Variants in ZC3H15 observed in about 807,000 individuals in gnomAD.
The protein encoded by ZC3H15 is zinc finger CCCH-type containing 15.
In ZC3H15, 15 loss-of-function variants were observed where a neutral mutation model predicts 51.2. The ratio of observed to expected loss-of-function variants is 0.29; its 90% CI spans 0.20 to 0.45. ZC3H15 has a LOEUF of 0.45. Among genes scored for constraint, ZC3H15 ranks in the 20% least tolerant of loss-of-function variants. The pLI, the probability that ZC3H15 is intolerant of heterozygous loss-of-function variation, is 1.00. For missense variants in ZC3H15, 381 were observed against 494.7 expected, an observed-to-expected ratio of 0.77 and a Z score of 2.18; for synonymous variants, 144 against 162.8, an observed-to-expected ratio of 0.88 and a Z score of 0.88.
Position 186,505,909 on chromosome 2 carries a change from T to A in ZC3H15, c.966+68T>A, listed in dbSNP as rs111558935. The A allele has an allele frequency of 2.2e-3, 3,367 of 1,512,274 alleles. 68 individuals carry two copies. In the African/African-American group the frequency reaches 0.042, roughly 19 times the overall value. 93.7% of individuals were successfully genotyped at this position (1,512,274 alleles called of 1,614,324 possible). A position where few individuals can be genotyped will look rare whatever the true frequency, so the allele number is the denominator to read the frequency against. ...AGAAACAATAGAAAATACCACAACA[T>A]GGTTAAGAGCCACCAACATCAGAGC... On this transcript the variant is annotated intron_variant, in intron 8 of 9. Coordinates refer to ENST00000337859, the MANE Select transcript of ZC3H15 (RefSeq NM_018471.3).
intron 1 of ZC3H15, chr2:186,487,360 G>C (rs1685115777): frequency 6.6e-6 from 1 of 152,158 alleles, no homozygotes; most frequent in Non-Finnish European, 1.5e-5. Flanking sequence ...ACCCCAACGA[G>C]GTATTTCTTC....
intron 9 of ZC3H15, 68 bp from the exon 10 acceptor site, chr2:186,508,475 T>A: frequency 7.2e-7 from 1 of 1,384,160 alleles, no homozygotes; most frequent in East Asian, 2.3e-5. Context: ...CAGTCTATGT[T>A]GTCTATTGCT....
chr2:186,500,142 A>G, intron 2 of ZC3H15, 40 bp from the exon 3 acceptor site: 1 of 1,553,198 alleles, frequency 6.4e-7, no homozygotes. Flanking sequence ...ACAATTTTGT[A>G]AACAATCAAA....
intron 3 of ZC3H15, among the ~76,000 whole-genome samples, chr2:186,500,970 G>A (rs1559011023): frequency 6.6e-6 from 1 of 152,124 alleles, no homozygotes; most frequent in East Asian, 1.9e-4. Context: ...ACCATGCCTG[G>A]CCTCCTTTTT....
Position 186,491,956 on chromosome 2 carries a change from T to C in ZC3H15, c.76-3277T>C, listed in dbSNP as rs111741317. Among the ~76,000 whole-genome samples, 1,053 of 152,270 alleles carry C rather than the reference T, an allele frequency of 6.9e-3. 8 individuals carry two copies. The highest frequency in any genetic ancestry group is 0.012 in the Non-Finnish European group (794 of 68,018). On this transcript the variant is annotated intron_variant, in intron 1 of 9. Coordinates refer to ENST00000337859, the MANE Select transcript of ZC3H15 (RefSeq NM_018471.3). The stretch of plus-strand genomic sequence containing the variant: ...CAGTGTAATGAAACCTGATTTTTTT[T>C]TTCTTCTTCTGGGATCGGGAGTTTA...
intron 1 of ZC3H15, among the ~76,000 whole-genome samples, chr2:186,492,140 A>G (rs1685209233): frequency 6.6e-6 from 1 of 152,152 alleles, no homozygotes; most frequent in Admixed American, 6.5e-5. Flanking sequence ...CAGATGGAGC[A>G]TGGGTTGAAC....
chr2:186,487,917 T>C (rs1333635299), intron 1 of ZC3H15, among the ~76,000 whole-genome samples: 1 of 152,208 alleles, frequency 6.6e-6, no homozygotes, highest in Non-Finnish European at 1.5e-5. Flanking sequence ...TTTTAAGGAA[T>C]TATGTGTGAA....
In ZC3H15 at chr2:186,487,936, A is replaced by G. The variant is rs138012894; in HGVS notation, c.75+1479A>G. Among the ~76,000 whole-genome samples, 66 of 152,304 alleles carry G rather than the reference A, an allele frequency of 4.3e-4. No homozygotes were observed. In the East Asian group the frequency reaches 0.012, roughly 28 times the overall value. ...AAGGAATTATGTGTGAAAGTTGTTT[A>G]TAGTATCCATCAACTTTTAAAATGA... On this transcript the variant is annotated intron_variant, in intron 1 of 9. Transcript: ENST00000337859.
chr2:186,497,283 A>G (rs1297906366), intron 2 of ZC3H15, among the ~76,000 whole-genome samples: 1 of 152,236 alleles, frequency 6.6e-6, no homozygotes, highest in Non-Finnish European at 1.5e-5. Flanking sequence ...TCTCTTGCTC[A>G]TGCTGTCTGC....
intron 3 of ZC3H15, among the ~76,000 whole-genome samples, chr2:186,500,898 C>T (rs1022758256): frequency 1.3e-5 from 2 of 152,114 alleles, no homozygotes; most frequent in Admixed American, 6.6e-5. Flanking sequence ...TGGGCTCGAT[C>T]TCCTGACCTC....
At position 186,509,023 on chromosome 2, in the gene ZC3H15, T is replaced by C. The variant is rs1312086171; in HGVS notation, c.*290T>C. On this transcript the variant is annotated 3_prime_UTR_variant, in exon 10 of 10. Transcript: ENST00000337859. Reference sequence around the variant, plus strand: ...AGTAAGAAGTGTATCTGCCTTTCCATCTTTTGGTTTTCATTTGGGCATGTG... The same window carrying C: ...AGTAAGAAGTGTATCTGCCTTTCCACCTTTTGGTTTTCATTTGGGCATGTG... The C allele has an allele frequency of 1.9e-6, 1 of 519,804 alleles. No homozygotes were observed. Among genetic ancestry groups the C allele is most frequent in the Non-Finnish European group, 3.7e-6 (1 of 269,362 alleles). 32.2% of individuals were successfully genotyped at this position (519,804 alleles called of 1,614,324 possible).
At chr2:186,504,898 G>T (rs1364559500) in intron 6 of ZC3H15, among the ~76,000 whole-genome samples, 2 of 152,152 alleles carry the variant, frequency 1.3e-5, no homozygotes, top group African/African-American at 2.4e-5. Context: ...TACTGGTTCT[G>T]ACACTTGTTA....
intron 9 of ZC3H15, among the ~76,000 whole-genome samples, chr2:186,508,234 A>G (rs1346321175): frequency 1.3e-5 from 2 of 152,232 alleles, no homozygotes; most frequent in East Asian, 3.8e-4. Flanking sequence ...GAAATTGACT[A>G]TTTAAAATCT....
At chr2:186,498,999 C>T (rs896835338) in intron 2 of ZC3H15, among the ~76,000 whole-genome samples, 3 of 152,182 alleles carry the variant, frequency 2.0e-5, no homozygotes, top group Non-Finnish European at 4.4e-5. Flanking sequence ...CTAAGCTCAT[C>T]TTCACCTCTT....
Position 186,497,896 on chromosome 2 carries a change from T to C in ZC3H15, c.178-2286T>C, listed in dbSNP as rs193253895. ...TACCCATCATATATAACATCGGAAA[T>C]GAGCAGTAGTGCTGCTCTTAGAGCT... On this transcript the variant is annotated intron_variant, in intron 2 of 9. Transcript: ENST00000337859. Among the ~76,000 whole-genome samples the C allele has an allele frequency of 2.6e-5, 4 of 152,330 alleles. No homozygotes were observed. In the East Asian group the frequency reaches 7.7e-4, roughly 29 times the overall value.
chr2:186,506,424 G>A (rs775296970), intron 8 of ZC3H15, among the ~76,000 whole-genome samples: 5 of 152,110 alleles, frequency 3.3e-5, no homozygotes, highest in Non-Finnish European at 5.9e-5. Context: ...CTTTTTAAAC[G>A]AAGTTTAGAA....
Position 186,506,788 on chromosome 2 carries a change from A to G in ZC3H15, c.1042A>G (p.Thr348Ala). ...AAGAGATGTAGATGAAACAGGTATT[A>G]CTGTAGCCAGTCTTGAAAGATTCAG... Reference protein sequence around the residue: ...IPRDVDETGITVASLERFSTY... With the variant: ...IPRDVDETGIAVASLERFSTY... The change falls in exon 9 of 10, where the codon ACT becomes GCT. Residue 348 changes from threonine to alanine, a missense_variant. Around this residue, in one of 3 missense-constraint regions of ZC3H15, gnomAD observed 215 missense variants for 241.8 expected, o/e 0.89. Coordinates refer to ENST00000337859, the MANE Select transcript of ZC3H15 (RefSeq NM_018471.3). 1 of 1,613,840 alleles carries G rather than the reference A, an allele frequency of 6.2e-7. No individual in the cohort carries two copies. The highest frequency in any genetic ancestry group is 8.5e-7 in the Non-Finnish European group (1 of 1,179,880).
intron 7 of ZC3H15, 60 bp downstream of exon 7, chr2:186,505,657 T>G: frequency 6.2e-7 from 1 of 1,603,056 alleles, no homozygotes; most frequent in East Asian, 2.2e-5. Flanking sequence ...TTCTGTGTCA[T>G]GCAAGATTTT....
At chr2:186,499,196 G>T (rs180721586) in intron 2 of ZC3H15, among the ~76,000 whole-genome samples, 1 of 152,122 alleles carries the variant, frequency 6.6e-6, no homozygotes, top group South Asian at 2.1e-4. Flanking sequence ...TACAGCAGTT[G>T]CAGCAGCCTC....
Sources: gnomAD v4.1 joint callset for allele counts (sites outside exome capture counted in the v4.1 genomes callset) on GRCh38, gnomAD v4.1.1 for gene constraint, gnomAD v4.1.1 regional missense constraint, MANE v1.5 for transcripts, NCBI Gene and HGNC (gene_info 2026-07-23, HGNC 2026-07-21) for gene names.